POLE: variants seen among roughly 807,000 people sequenced by gnomAD.
POLE encodes the protein DNA polymerase epsilon catalytic subunit A.
POLE carries 188 observed loss-of-function variants against 279.2 expected under a neutral mutation model. That is an observed-to-expected ratio of 0.67 (90% CI 0.60 to 0.76). The LOEUF (loss-of-function observed/expected upper bound fraction) is 0.76, where lower values mean the gene tolerates loss of function less well. Among genes scored for constraint, POLE ranks in the 30% least tolerant of loss-of-function variants. The pLI, the probability that POLE is intolerant of heterozygous loss-of-function variation, is 0.00. For synonymous variants in POLE, 1,214 were observed against 1,172.5 expected, an observed-to-expected ratio of 1.04 and a Z score of -0.72; for missense variants, 2,703 against 3,016.7, an observed-to-expected ratio of 0.90 and a Z score of 2.44.
Position 132,676,480 on chromosome 12 carries a change from CT to C in POLE, c.909+65del, listed in dbSNP as rs1273701513. ...AATACTAACAGTGGGGCAGATGCTG[CT>C]GTAGTATGGGGACCAGACAAGGTCC... is the stretch of plus-strand genomic sequence containing the variant. On this transcript the variant is annotated intron_variant, in intron 9 of 48. Coordinates refer to ENST00000320574, the MANE Select transcript of POLE (RefSeq NM_006231.4). 7 of 1,005,568 alleles carry C rather than the reference CT, an allele frequency of 7.0e-6. No individual in the cohort carries two copies. The Admixed American group carries it at 1.0e-4, about 15-fold the overall frequency. The allele number at this position is 1,005,568 out of a possible 1,614,324, so 62.3% of individuals were successfully genotyped here. A position where few individuals can be genotyped will look rare whatever the true frequency, so the allele number is the denominator to read the frequency against.
intron 32 of POLE, among the ~76,000 whole-genome samples, chr12:132,646,261 C>T (rs1220824138): frequency 6.6e-6 from 1 of 152,112 alleles, no homozygotes; most frequent in Non-Finnish European, 1.5e-5. Context: ...ATCAGGCCAG[C>T]AGAAGGTTGC....
chr12:132,647,812 T>G (rs1414122647), intron 32 of POLE, among the ~76,000 whole-genome samples: 1 of 152,138 alleles, frequency 6.6e-6, no homozygotes, highest in Non-Finnish European at 1.5e-5. Flanking sequence ...CTCTGTGGTC[T>G]CGATGCCTCT....
intron 16 of POLE, among the ~76,000 whole-genome samples, chr12:132,669,583 G>A (rs1351380232): frequency 6.6e-6 from 1 of 152,220 alleles, no homozygotes; most frequent in African/African-American, 2.4e-5. Flanking sequence ...CCATAGAACA[G>A]GAAATACCAC....
chr12:132,630,614 G>T (rs575629161), intron 45 of POLE, among the ~76,000 whole-genome samples: 267 of 152,268 alleles, frequency 1.8e-3, no homozygotes, highest in Non-Finnish European at 2.0e-3. Context: ...GGGGGGGCGT[G>T]GTGGCAGGCA....
chr12:132,672,668 A>G lies in POLE; in HGVS notation c.1645T>C (p.Ser549Pro), dbSNP rs115558715. ...GGGATATCGCTGCGGAAAACCCCAG[A>G]CTCGAGGGCCTCCACGTGGCCCCCG... ...YVGGHVEALESGVFRSDIPCR... is the reference protein window; with the variant it reads ...YVGGHVEALEPGVFRSDIPCR... The change falls in exon 15 of 49, where the codon TCT becomes CCT. Residue 549 changes from serine to proline, a missense_variant. By Grantham distance (74) the Ser-to-Pro change is moderately conservative. This residue lies in a region of POLE where 1,011 missense variants were observed against 1,111.7 expected (regional missense o/e 0.91). Transcript: ENST00000320574. The G allele has an allele frequency of 4.8e-5, 77 of 1,613,814 alleles. No homozygotes were observed. In the African/African-American group the frequency reaches 8.9e-4, roughly 19 times the overall value.
rs919106666 is a variant in POLE at position 132,659,780 on chromosome 12, C to G, written c.3061-271G>C. On this transcript the variant is annotated intron_variant, in intron 25 of 48. Coordinates refer to ENST00000320574, the MANE Select transcript of POLE (RefSeq NM_006231.4). Reference sequence around the variant, plus strand: ...CAATCTCAACTCACTAAAACCTCCCCTCCTGGGTTCAAGAGATTCTCGTGC... The same window carrying G: ...CAATCTCAACTCACTAAAACCTCCCGTCCTGGGTTCAAGAGATTCTCGTGC... 9.9e-5 allele frequency: 39 copies of G among 394,118 alleles called. No homozygotes were observed. In the East Asian group the frequency reaches 2.0e-3, roughly 20 times the overall value. 24.4% of individuals were successfully genotyped at this position (394,118 alleles called of 1,614,324 possible). A position where few individuals can be genotyped will look rare whatever the true frequency, so the allele number is the denominator to read the frequency against.
rs757232557 is a variant in POLE, at chr12:132,643,283, C to A, written c.4492G>T (p.Ala1498Ser). The change falls in exon 35 of 49, where the codon GCG becomes TCG. Residue 1498 changes from alanine to serine, a missense_variant. Coordinates refer to ENST00000320574, the MANE Select transcript of POLE (RefSeq NM_006231.4). ...YLYHHAQAHK[A>S]LFGIFIPSQR... ...GAGGGGATGAAGATCCCGAAGAGCG[C>A]TTTGTGGGCCTGTGCGTGGTGGTAC... The A allele has an allele frequency of 1.9e-6, 3 of 1,613,938 alleles. No homozygotes were observed.
At position 132,680,019 on chromosome 12, in the gene POLE, G is replaced by A; in HGVS notation, c.358C>T (p.Leu120Phe). 2 of 1,614,044 alleles carry A rather than the reference G, an allele frequency of 1.2e-6. No homozygotes were observed. The highest frequency in any genetic ancestry group is 1.7e-6 in the Non-Finnish European group (2 of 1,179,916). Residue 120 changes from leucine (L) to phenylalanine (F), a missense_variant, in exon 5 of 49, where the codon CTC (leucine) becomes TTC (phenylalanine). Around this residue, in one of 5 missense-constraint regions of POLE, gnomAD observed 1,011 missense variants for 1,111.7 expected, o/e 0.91. Coordinates refer to ENST00000320574, the MANE Select transcript of POLE (RefSeq NM_006231.4). ...ATTTTGCCCTGAAACTTCTTGGAGA[G>A]AAAAGATGAAACTTCTCGCTCACAA... ...KGCEREVSSFLSKKFQGKIAK... is the reference protein window; with the variant it reads ...KGCEREVSSFFSKKFQGKIAK...
intron 1 of POLE, among the ~76,000 whole-genome samples, chr12:132,683,234 T>C (rs2043204076): frequency 6.6e-6 from 1 of 152,120 alleles, no homozygotes; most frequent in Admixed American, 6.5e-5. Context: ...CTTGAGATTC[T>C]GCTTAGCTGG....
rs147016886 is a variant in POLE, at chr12:132,656,798, G to C, written c.3582+338C>G. Among the ~76,000 whole-genome samples, 278 of 152,280 alleles carry C rather than the reference G, an allele frequency of 1.8e-3. 2 individuals are homozygous for C. Among genetic ancestry groups the C allele is most frequent in the African/African-American group, 6.5e-3 (268 of 41,538 alleles). The stretch of plus-strand genomic sequence containing the variant: ...ATTACACTGTGTCCTGTGTTTCTAA[G>C]TGTTTCCATAGGGAAGATATTCATT... On this transcript the variant is annotated intron_variant, in intron 29 of 48. Coordinates refer to ENST00000320574, the MANE Select transcript of POLE (RefSeq NM_006231.4).
chr12:132,660,045 G>C (rs1411134514), intron 25 of POLE: 1 of 158,836 alleles, frequency 6.3e-6, no homozygotes, highest in Non-Finnish European at 1.4e-5. Flanking sequence ...TTACTGAAGA[G>C]CACCAAGGCT....
chr12:132,624,352 C>T lies in POLE; in HGVS notation c.*345G>A, dbSNP rs2041786321. Reference sequence around the variant, plus strand: ...AGGCAGGACAAAGAACTAGGGGCACCTAGAGGACGCTCCCACCCCACCAGG... The same window carrying T: ...AGGCAGGACAAAGAACTAGGGGCACTTAGAGGACGCTCCCACCCCACCAGG... On this transcript the variant is annotated 3_prime_UTR_variant, in exon 49 of 49. Coordinates refer to ENST00000320574, the MANE Select transcript of POLE (RefSeq NM_006231.4). The T allele has an allele frequency of 2.6e-6, 1 of 389,884 alleles. No homozygotes were observed. The highest frequency in any genetic ancestry group is 4.3e-5 in the East Asian group (1 of 23,260). The allele number at this position is 389,884 out of a possible 1,614,324, so 24.2% of individuals were successfully genotyped here.
At chr12:132,636,440 GGAAAAAAAAAAAAAAAAAA>G (rs1488203178) in intron 41 of POLE, among the ~76,000 whole-genome samples, 1 of 70,364 alleles carries the variant, frequency 1.4e-5, no homozygotes, top group African/African-American at 4.9e-5. Flanking sequence ...ATCCATTTAA[GGAAAAAAAAAAAAAAAAAA>G]AAAAAAAAAG....
Position 132,672,037 on chromosome 12 carries a change from C to T in POLE, c.1794+178G>A, listed in dbSNP as rs555155477. On this transcript the variant is annotated intron_variant, in intron 16 of 48. Transcript: ENST00000320574. ...ACACCCCACCTCTCATGAAGCCCTC[C>T]GACCTTGTGACAGCATCACACGTCA... 3.3e-5 allele frequency among the ~76,000 whole-genome samples: 5 copies of T among 152,280 alleles called. 1 individual carries two copies. The highest frequency in any genetic ancestry group is 4.8e-5 in the African/African-American group (2 of 41,554).
chr12:132,631,220 T>C (rs1488702742), intron 45 of POLE, among the ~76,000 whole-genome samples: 1 of 152,076 alleles, frequency 6.6e-6, no homozygotes, highest in African/African-American at 2.4e-5. Flanking sequence ...TGTCTCTACT[T>C]ATGTGACGCT....
intron 29 of POLE, among the ~76,000 whole-genome samples, chr12:132,653,891 G>A (rs938993789): frequency 5.3e-5 from 8 of 152,266 alleles, no homozygotes; most frequent in South Asian, 2.1e-4. Flanking sequence ...AAGTTTTACC[G>A]CATGTTGTTT....
Position 132,664,914 on chromosome 12 carries a change from T to C in POLE, c.2468+388A>G, listed in dbSNP as rs941513288. ...CCCTCCCCTCCCGGCACCAGCCCCA[T>C]GCCCCTTGTCAGTTGCTTCTCTGCC... On this transcript the variant is annotated intron_variant, in intron 21 of 48. Transcript: ENST00000320574. The surrounding 1 kb of genome is among the most constrained non-coding windows in gnomAD (Gnocchi z 5.3). Among the ~76,000 whole-genome samples, 5 of 130,076 alleles carry C rather than the reference T, an allele frequency of 3.8e-5. No homozygotes were observed. Among genetic ancestry groups the C allele is most frequent in the African/African-American group, 1.1e-4 (4 of 35,202 alleles). The allele number at this position is 130,076 out of a possible 152,430, so 85.3% of individuals were successfully genotyped here. A position where few individuals can be genotyped will look rare whatever the true frequency, so the allele number is the denominator to read the frequency against.
In POLE at chr12:132,678,346, C is replaced by T. The variant is rs573658693; in HGVS notation, c.579-627G>A. On this transcript the variant is annotated intron_variant, in intron 6 of 48. Coordinates refer to ENST00000320574, the MANE Select transcript of POLE (RefSeq NM_006231.4). ...CCAGCACTCTGGGAGGCAGGAGGAT[C>T]GCTTCGGCCCAGGAGTTCAAGACAG... 1.2e-3 allele frequency among the ~76,000 whole-genome samples: 177 copies of T among 151,176 alleles called. 2 individuals are homozygous for T. The South Asian group carries it at 0.014, about 12-fold the overall frequency.
rs2042098492 is a variant in POLE at position 132,639,470 on chromosome 12, C to G, written c.5379-172G>C. Among the ~76,000 whole-genome samples the G allele has an allele frequency of 6.6e-6, 1 of 152,232 alleles. No homozygotes were observed. Among genetic ancestry groups the G allele is most frequent in the South Asian group, 2.1e-4 (1 of 4,834 alleles). Reference sequence around the variant, plus strand: ...CCTTAAGTCACGGTCCAAATTTCATCCCTTCACCCTCATGCCTCATCTGTT... The same window carrying G: ...CCTTAAGTCACGGTCCAAATTTCATGCCTTCACCCTCATGCCTCATCTGTT... On this transcript the variant is annotated intron_variant, in intron 39 of 48. Transcript: ENST00000320574. This position sits in a 1 kb window ranked among gnomAD's most constrained non-coding sequence, Gnocchi z 4.7.
Sources: allele counts gnomAD v4.1 joint callset (sites outside exome capture counted in the v4.1 genomes callset), GRCh38; gene constraint gnomAD v4.1.1; regional missense constraint gnomAD v4.1.1; non-coding constraint Gnocchi (gnomAD v3.1); transcripts MANE v1.5; gene names NCBI Gene and HGNC (gene_info 2026-07-23, HGNC 2026-07-21).